Variants in RILPL1 observed in about 807,000 individuals in gnomAD.
RILPL1 encodes the protein RILP-like protein 1.
In RILPL1, 33 loss-of-function variants were observed where a neutral mutation model predicts 50.3. The ratio of observed to expected loss-of-function variants is 0.66; its 90% CI spans 0.50 to 0.88. The LOEUF (loss-of-function observed/expected upper bound fraction) is 0.88. Ranked by LOEUF, RILPL1 falls within the 40% of genes least tolerant of loss-of-function variation. The pLI, the probability that RILPL1 is intolerant of heterozygous loss-of-function variation, is 0.00. For missense variants in RILPL1, 418 were observed against 542.5 expected (o/e 0.77, Z 2.28); for synonymous variants, 205 against 228.6 (o/e 0.90, Z 0.93).
At chr12:123,505,533 G>T (rs909576623) in intron 2 of RILPL1, among the ~76,000 whole-genome samples, 1 of 152,130 alleles carries the variant, frequency 6.6e-6, no homozygotes, top group African/African-American at 2.4e-5. Flanking sequence ...ACCCAGGCTG[G>T]TCTTGAACTC....
At chr12:123,506,680 C>T (rs967688027) in intron 2 of RILPL1, among the ~76,000 whole-genome samples, 3 of 152,212 alleles carry the variant, frequency 2.0e-5, no homozygotes, top group Admixed American at 2.0e-4. Flanking sequence ...TCTGAAGTGA[C>T]GCTCACCTCT....
At chr12:123,511,744 G>A (rs1297365798) in intron 2 of RILPL1, among the ~76,000 whole-genome samples, 8 of 138,660 alleles carry the variant, frequency 5.8e-5, no homozygotes, top group Non-Finnish European at 1.2e-4. Flanking sequence ...TGGTGTGTGT[G>A]AGGTCTGTGT....
rs964179035 is a variant in RILPL1, at chr12:123,522,605, C to T, written c.460+890G>A. Among the ~76,000 whole-genome samples, 3 of 152,106 alleles carry T rather than the reference C, an allele frequency of 2.0e-5. No individual in the cohort carries two copies. The highest frequency in any genetic ancestry group is 7.2e-5 in the African/African-American group (3 of 41,412). On this transcript the variant is annotated intron_variant, in intron 2 of 6. Transcript: ENST00000376874. The surrounding 1 kb of genome is among the most constrained non-coding windows in gnomAD (Gnocchi z 4.0). ...CCTCAATCATCTTCTGACACACTAGCCTTCTTTATTTTTTTCATCTTACTG... is the reference window on the plus strand; with the variant it reads ...CCTCAATCATCTTCTGACACACTAGTCTTCTTTATTTTTTTCATCTTACTG...
At chr12:123,492,142 C>G (rs779809579) in intron 4 of RILPL1, among the ~76,000 whole-genome samples, 1 of 151,836 alleles carries the variant, frequency 6.6e-6, no homozygotes, top group Non-Finnish European at 1.5e-5. Context: ...ATCATGGTGG[C>G]TTGAACCCGG....
chr12:123,512,834 G>A (rs1437072518), intron 2 of RILPL1, among the ~76,000 whole-genome samples: 1 of 148,392 alleles, frequency 6.7e-6, no homozygotes, highest in Non-Finnish European at 1.5e-5. Flanking sequence ...TGTGAGGTCT[G>A]TGTGTGCTGT....
chr12:123,480,784 C>T (rs1881925101), intron 6 of RILPL1, among the ~76,000 whole-genome samples: 1 of 152,172 alleles, frequency 6.6e-6, no homozygotes, highest in Non-Finnish European at 1.5e-5. Flanking sequence ...CTCCTCCCAA[C>T]GTGAGGCTAC....
At chr12:123,532,431 G>C (rs541921983) in intron 1 of RILPL1, among the ~76,000 whole-genome samples, 1 of 152,286 alleles carries the variant, frequency 6.6e-6, no homozygotes, top group African/African-American at 2.4e-5. Context: ...CAAACAGGGT[G>C]GGGAGGAGAC....
chr12:123,533,073 T>G lies in RILPL1; in HGVS notation c.309+101A>C. On this transcript the variant is annotated intron_variant, in intron 1 of 6. Transcript: ENST00000376874. The surrounding 1 kb of genome is among the most constrained non-coding windows in gnomAD (Gnocchi z 6.2). ...GTCGGGTCTCCTCTGGTCCGGTCCCTGAACACACACACGTGCGCACCCACA... is the reference window on the plus strand; with the variant it reads ...GTCGGGTCTCCTCTGGTCCGGTCCCGGAACACACACACGTGCGCACCCACA... 1 of 1,275,612 alleles carries G rather than the reference T, an allele frequency of 7.8e-7. No homozygotes were observed. The allele number at this position is 1,275,612 out of a possible 1,614,324, so 79.0% of individuals were successfully genotyped here.
Position 123,498,429 on chromosome 12 carries a change from C to A in RILPL1, c.801+115G>T. 1 of 876,300 alleles carries A rather than the reference C, an allele frequency of 1.1e-6. No individual in the cohort carries two copies. The highest frequency in any genetic ancestry group is 2.2e-5 in the Admixed American group (1 of 45,362). 54.3% of individuals were successfully genotyped at this position (876,300 alleles called of 1,614,324 possible). On this transcript the variant is annotated intron_variant, in intron 4 of 6. Coordinates refer to ENST00000376874, the MANE Select transcript of RILPL1 (RefSeq NM_178314.5). This position sits in a 1 kb window ranked among gnomAD's most constrained non-coding sequence, Gnocchi z 4.3. ...AGAGAATTGGGGTCTTGCTATGTTG[C>A]CCAGGTTGGCCATTTTCTGAAGTAT...
At chr12:123,524,634 G>A (rs532516990) in intron 1 of RILPL1, among the ~76,000 whole-genome samples, 50 of 152,286 alleles carry the variant, frequency 3.3e-4, no homozygotes, top group African/African-American at 1.1e-3. Context: ...CTACAACATA[G>A]GTGGACCCTG....
chr12:123,533,150 G>A lies in RILPL1; in HGVS notation c.309+24C>T, dbSNP rs370114080. 3.3e-6 allele frequency: 5 copies of A among 1,510,198 alleles called. No individual in the cohort carries two copies. Among genetic ancestry groups the A allele is most frequent in the African/African-American group, 2.7e-5 (2 of 72,772 alleles). 93.5% of individuals were successfully genotyped at this position (1,510,198 alleles called of 1,614,324 possible). ...GTCCCCGCGGTCCCACTGCCCGGAC[G>A]GACAGACCGAGGCCGCCGCCCACCT... On this transcript the variant is annotated intron_variant, in intron 1 of 6. Transcript: ENST00000376874. This position sits in a 1 kb window ranked among gnomAD's most constrained non-coding sequence, Gnocchi z 6.2.
At chr12:123,503,604 C>T (rs1161875540) in intron 2 of RILPL1, among the ~76,000 whole-genome samples, 3 of 152,032 alleles carry the variant, frequency 2.0e-5, no homozygotes, top group Non-Finnish European at 4.4e-5. Context: ...GGTCCCGTGG[C>T]CTTCTCCTCT....
chr12:123,512,061 GGTGT>G (rs1382635090), intron 2 of RILPL1, among the ~76,000 whole-genome samples: 1 of 123,160 alleles, frequency 8.1e-6, no homozygotes, highest in Admixed American at 8.5e-5. Context: ...GTCTGTGTGT[GGTGT>G]GTGAGGTCTG....
At chr12:123,520,878 C>T (rs564472036) in intron 2 of RILPL1, among the ~76,000 whole-genome samples, 62 of 152,296 alleles carry the variant, frequency 4.1e-4, no homozygotes, top group African/African-American at 1.4e-3. Context: ...CACGGCGGAT[C>T]AATCCATGGT....
intron 2 of RILPL1, among the ~76,000 whole-genome samples, chr12:123,512,701 ATG>A (rs1383931587): frequency 2.7e-5 from 1 of 37,148 alleles, no homozygotes; most frequent in East Asian, 9.4e-4. Context: ...TGAGGTTTGT[ATG>A]TGTGTGGTGT....
In RILPL1 at chr12:123,485,561, G is replaced by A; in HGVS notation, c.974+72C>T. Reference sequence around the variant, plus strand: ...TGCTTGTCTTCCAGGGGGTAAGAAGGTAACTGTACAGAAACTCTGGCTAAC... The same window carrying A: ...TGCTTGTCTTCCAGGGGGTAAGAAGATAACTGTACAGAAACTCTGGCTAAC... On this transcript the variant is annotated intron_variant, in intron 5 of 6. Transcript: ENST00000376874. The surrounding 1 kb of genome is among the most constrained non-coding windows in gnomAD (Gnocchi z 4.0). 7.1e-7 allele frequency: 1 copy of A among 1,410,446 alleles called. No individual in the cohort carries two copies. The highest frequency in any genetic ancestry group is 9.8e-7 in the Non-Finnish European group (1 of 1,021,740). 87.4% of individuals were successfully genotyped at this position (1,410,446 alleles called of 1,614,324 possible).
At position 123,472,329 on chromosome 12, in the gene RILPL1, T is replaced by C. The variant is rs1391595102; in HGVS notation, c.*209A>G. Reference sequence around the variant, plus strand: ...GATCAGAGTCATCTATTAGAAACAGTGATAGCCCTGGGTATAAATAAACAT... The same window carrying C: ...GATCAGAGTCATCTATTAGAAACAGCGATAGCCCTGGGTATAAATAAACAT... On this transcript the variant is annotated 3_prime_UTR_variant, in exon 7 of 7. Transcript: ENST00000376874. 1.8e-6 allele frequency: 1 copy of C among 555,078 alleles called. No homozygotes were observed. Among genetic ancestry groups the C allele is most frequent in the Non-Finnish European group, 3.2e-6 (1 of 312,808 alleles). 34.4% of individuals were successfully genotyped at this position (555,078 alleles called of 1,614,324 possible).
chr12:123,511,136 GTGTGTGGTGTGTGTGAGGTC>G (rs1884137937), intron 2 of RILPL1, among the ~76,000 whole-genome samples: 1 of 145,508 alleles, frequency 6.9e-6, no homozygotes, highest in East Asian at 2.1e-4. Context: ...GTCTATGTGT[GTGTGTGGTGTGTGTGAGGTC>G]TGTGTGTGGT....
At chr12:123,527,650 G>T (rs28430750) in intron 1 of RILPL1, among the ~76,000 whole-genome samples, 1 of 151,808 alleles carries the variant, frequency 6.6e-6, no homozygotes, top group Non-Finnish European at 1.5e-5. Context: ...GTGACAGACT[G>T]AAACTGTGTC....
Sources: gnomAD v4.1 joint callset for allele counts (sites outside exome capture counted in the v4.1 genomes callset) on GRCh38, gnomAD v4.1.1 for gene constraint, Gnocchi (gnomAD v3.1) non-coding constraint, MANE v1.5 for transcripts, NCBI Gene and HGNC (gene_info 2026-07-23, HGNC 2026-07-21) for gene names.